SLC7A9: variants seen among roughly 807,000 people sequenced by gnomAD.
SLC7A9 encodes the protein B(0,+)-type amino acid transporter 1.
A neutral mutation model predicts 54.1 loss-of-function variants in SLC7A9; 38 were observed. The ratio of observed to expected loss-of-function variants is 0.70; its 90% CI spans 0.54 to 0.92. The LOEUF (loss-of-function observed/expected upper bound fraction) is 0.92. Among genes scored for constraint, SLC7A9 ranks in the 40% least tolerant of loss-of-function variants. The pLI, the probability that SLC7A9 is intolerant of heterozygous loss-of-function variation, is 0.00. For synonymous variants in SLC7A9, 264 were observed against 258.9 expected (o/e 1.02, Z -0.19); for missense variants, 537 against 636.1 (o/e 0.84, Z 1.68).
At chr19:32,862,679 T>C in intron 4 of SLC7A9, 93 bp from the exon 5 acceptor site, 1 of 1,210,684 alleles carries the variant, frequency 8.3e-7, no homozygotes, top group Admixed American at 3.3e-5. Flanking sequence ...TTTTTTTTTT[T>C]TTTTGAGATG....
intron 9 of SLC7A9, among the ~76,000 whole-genome samples, chr19:32,854,015 T>C (rs1268483403): frequency 1.3e-5 from 2 of 151,878 alleles, no homozygotes. Context: ...TCAGTATTTT[T>C]TTTTTTTTTG....
intron 9 of SLC7A9, among the ~76,000 whole-genome samples, chr19:32,846,288 C>T (rs1036664632): frequency 2.8e-4 from 33 of 115,980 alleles, no homozygotes; most frequent in Non-Finnish European, 3.1e-4. Flanking sequence ...GGGTGACAGA[C>T]GGCACCTGGA....
chr19:32,866,828 CA>C (rs1472998695), intron 2 of SLC7A9, among the ~76,000 whole-genome samples: 1 of 152,182 alleles, frequency 6.6e-6, no homozygotes. Context: ...TGCTGCCAGG[CA>C]TGGGAGCTCT....
chr19:32,839,275 C>T (rs139940068), intron 11 of SLC7A9, among the ~76,000 whole-genome samples: 4 of 152,132 alleles, frequency 2.6e-5, no homozygotes, highest in Middle Eastern at 3.4e-3. Context: ...ATGTAATTGG[C>T]GGGGCACGGT....
At position 32,868,536 on chromosome 19, in the gene SLC7A9, T is replaced by C; in HGVS notation, c.-2A>G. 1 of 1,613,716 alleles carries C rather than the reference T, an allele frequency of 6.2e-7. No homozygotes were observed. Among genetic ancestry groups the C allele is most frequent in the South Asian group, 1.1e-5 (1 of 91,076 alleles). ...CTTTCTCAGGCCAGTATCCCCCATG[T>C]TTCCTCCTGCTGGTTCCAGGAGACT... On this transcript the variant is annotated 5_prime_UTR_variant, in exon 2 of 13. Coordinates refer to ENST00000023064, the MANE Select transcript of SLC7A9 (RefSeq NM_014270.5).
chr19:32,835,758 TTGTC>T (rs1388844875), intron 11 of SLC7A9, among the ~76,000 whole-genome samples: 1 of 152,102 alleles, frequency 6.6e-6, no homozygotes, highest in Non-Finnish European at 1.5e-5. Flanking sequence ...GCTTTTGGAG[TTGTC>T]TATTTAATTT....
chr19:32,869,037 G>A (rs34308034), intron 1 of SLC7A9, among the ~76,000 whole-genome samples: 21,555 of 145,232 alleles, frequency 0.15, 2,834 homozygotes, highest in African/African-American at 0.35. Context: ...GGCGAACCCC[G>A]TCTCTACTAA....
intron 9 of SLC7A9, among the ~76,000 whole-genome samples, chr19:32,847,871 G>A (rs1968347082): frequency 6.6e-6 from 1 of 152,116 alleles, no homozygotes; most frequent in Admixed American, 6.6e-5. Context: ...AAGAGAGTGG[G>A]GGCCAACATT....
intron 11 of SLC7A9, among the ~76,000 whole-genome samples, chr19:32,839,782 C>T (rs1196756262): frequency 6.6e-6 from 1 of 152,184 alleles, no homozygotes; most frequent in African/African-American, 2.4e-5. Context: ...AAGTGAATTG[C>T]AGATGGGAGT....
intron 11 of SLC7A9, among the ~76,000 whole-genome samples, chr19:32,837,490 C>A (rs1967991545): frequency 1.0e-5 from 1 of 100,322 alleles, no homozygotes; most frequent in South Asian, 3.5e-4. Flanking sequence ...GAGATTCCAT[C>A]TCAAAAAAAA....
intron 9 of SLC7A9, among the ~76,000 whole-genome samples, chr19:32,845,926 C>T (rs1175887251): frequency 3.3e-5 from 5 of 152,128 alleles, no homozygotes; most frequent in Non-Finnish European, 5.9e-5. Context: ...ATCACTTGAA[C>T]CTAGGAGGCA....
intron 11 of SLC7A9, among the ~76,000 whole-genome samples, chr19:32,840,174 CTTTT>C: frequency 6.6e-6 from 1 of 151,960 alleles, no homozygotes; most frequent in Non-Finnish European, 1.5e-5. Flanking sequence ...TATGTTCTTT[CTTTT>C]CTTTTTTTCT....
At chr19:32,852,840 A>G (rs1968507865) in intron 9 of SLC7A9, among the ~76,000 whole-genome samples, 1 of 151,932 alleles carries the variant, frequency 6.6e-6, no homozygotes, top group Non-Finnish European at 1.5e-5. Flanking sequence ...AATGCTAAAC[A>G]GACAAGGAGA....
At chr19:32,849,730 AAAG>A (rs1275565947) in intron 9 of SLC7A9, among the ~76,000 whole-genome samples, 1 of 150,382 alleles carries the variant, frequency 6.6e-6, no homozygotes, top group African/African-American at 2.4e-5. Context: ...CACAACCAAA[AAAG>A]AGAATTTTAG....
chr19:32,840,728 G>A (rs1488225404), intron 11 of SLC7A9, among the ~76,000 whole-genome samples: 1 of 151,880 alleles, frequency 6.6e-6, no homozygotes, highest in African/African-American at 2.4e-5. Context: ...GGAGTTTCTG[G>A]GATCCTCAAG....
intron 6 of SLC7A9, 130 bp downstream of exon 6, chr19:32,861,988 G>A: frequency 1.3e-6 from 1 of 755,466 alleles, no homozygotes; most frequent in South Asian, 1.4e-5. Flanking sequence ...AAAAGGAAAT[G>A]TGAGGGTGAA....
At chr19:32,851,827 A>T (rs553372672) in intron 9 of SLC7A9, among the ~76,000 whole-genome samples, 1 of 152,340 alleles carries the variant, frequency 6.6e-6, no homozygotes, top group Admixed American at 6.5e-5. Flanking sequence ...TACACCATGG[A>T]ATACTATGTA....
In SLC7A9 at chr19:32,868,763, A is replaced by G. The variant is rs984040209; in HGVS notation, c.-111-118T>C. ...ATTAACATTGTCCAGGCAGGGGAAC[A>G]CAGCTCCCCGCTGCTCTCCAAAGCT... On this transcript the variant is annotated intron_variant, in intron 1 of 12. Coordinates refer to ENST00000023064, the MANE Select transcript of SLC7A9 (RefSeq NM_014270.5). 8.7e-5 allele frequency: 52 copies of G among 598,880 alleles called. No homozygotes were observed. In the African/African-American group the frequency reaches 9.3e-4, roughly 11 times the overall value. 37.1% of individuals were successfully genotyped at this position (598,880 alleles called of 1,614,324 possible).
At chr19:32,868,754 C>T (rs950984349) in intron 1 of SLC7A9, 109 bp from the exon 2 acceptor site, 2 of 610,120 alleles carry the variant, frequency 3.3e-6, no homozygotes, top group Non-Finnish European at 3.0e-6. Flanking sequence ...ATTGTCCAGG[C>T]AGGGGAACAC....
Sources: allele counts gnomAD v4.1 joint callset (sites outside exome capture counted in the v4.1 genomes callset), GRCh38; gene constraint gnomAD v4.1.1; transcripts MANE v1.5; gene names NCBI Gene and HGNC (gene_info 2026-07-23, HGNC 2026-07-21).